The following KRT86 variants were observed in gnomAD, a reference collection of about 807,000 sequenced individuals.
KRT86 encodes the protein keratin 86.
In KRT86, 30 loss-of-function variants were observed where a neutral mutation model predicts 41.2. That is an observed-to-expected ratio of 0.73 (90% CI 0.54 to 0.99). KRT86 has a LOEUF of 0.99. KRT86 is among the 50% of genes least tolerant of loss of function. The pLI, the probability that KRT86 is intolerant of heterozygous loss-of-function variation, is 0.00. For synonymous variants in KRT86, 238 were observed against 238.1 expected (o/e 1.00, Z 0.00); for missense variants, 561 against 571.4 (o/e 0.98, Z 0.19).
intron 2 of KRT86, among the ~76,000 whole-genome samples, chr12:52,298,581 A>G (rs930262849): frequency 2.0e-5 from 3 of 152,198 alleles, no homozygotes; most frequent in Non-Finnish European, 4.4e-5. Flanking sequence ...TCAGTGATTT[A>G]CATGGATTAA....
rs141704368 is a variant in KRT86 at position 52,306,478 on chromosome 12, T to G, written c.1247+198T>G. On this transcript the variant is annotated intron_variant, in intron 9 of 10. Transcript: ENST00000423955. ...GTTCACCCAGGCACTGATCTGAGAT[T>G]GCAGTCTTGTTCATCTCAGTTGAGA... is the stretch of plus-strand genomic sequence containing the variant. 656 of 771,580 alleles carry G rather than the reference T, an allele frequency of 8.5e-4. 4 individuals are homozygous for G. Among genetic ancestry groups the G allele is most frequent in the Middle Eastern group, 5.0e-3 (13 of 2,620 alleles). The allele number at this position is 771,580 out of a possible 1,614,324, so 47.8% of individuals were successfully genotyped here. A position where few individuals can be genotyped will look rare whatever the true frequency, so the allele number is the denominator to read the frequency against.
intron 8 of KRT86, 72 bp downstream of exon 8, chr12:52,305,860 T>C (rs1938501968): frequency 6.2e-7 from 1 of 1,610,852 alleles, no homozygotes; most frequent in Admixed American, 1.7e-5. Flanking sequence ...ATGTGTGCCC[T>C]ATCTGGATCT....
intron 2 of KRT86, chr12:52,287,397 T>C: frequency 6.3e-7 from 1 of 1,590,140 alleles, no homozygotes; most frequent in South Asian, 1.1e-5. Flanking sequence ...GAGACCACAC[T>C]CCCCACCAAG....
chr12:52,282,236 A>ATTTTT (rs11376852), intron 2 of KRT86, among the ~76,000 whole-genome samples: 5 of 145,608 alleles, frequency 3.4e-5, no homozygotes, highest in Admixed American at 1.4e-4. Flanking sequence ...CCCTGAAACA[A>ATTTTT]TTTTTTTTTT....
intron 2 of KRT86, among the ~76,000 whole-genome samples, chr12:52,282,044 T>C (rs140600668): frequency 1.1e-4 from 16 of 152,192 alleles, no homozygotes; most frequent in African/African-American, 3.6e-4. Context: ...CTTGGCTTTC[T>C]TTTTCCTTGT....
chr12:52,281,539 G>A (rs549695989), intron 2 of KRT86, among the ~76,000 whole-genome samples: 203 of 152,238 alleles, frequency 1.3e-3, no homozygotes, highest in Non-Finnish European at 2.4e-3. Context: ...GTCTCTTGTG[G>A]AGTCTAAATG....
intron 2 of KRT86, among the ~76,000 whole-genome samples, chr12:52,283,392 C>CAAAAAAAAAAAAAAAAAAAAAAA (rs1169224117): frequency 2.5e-5 from 1 of 39,552 alleles, no homozygotes. Context: ...AACTGTCTCA[C>CAAAAAAAAAAAAAAAAAAAAAAA]AAAAAAAAAA....
intron 2 of KRT86, chr12:52,285,818 C>T: frequency 4.1e-6 from 1 of 242,518 alleles, no homozygotes; most frequent in South Asian, 5.7e-5. Flanking sequence ...TACTGGAGAC[C>T]CTTGGCTTGG....
chr12:52,295,775 G>A (rs999625174), intron 2 of KRT86, among the ~76,000 whole-genome samples: 6 of 152,262 alleles, frequency 3.9e-5, no homozygotes, highest in Middle Eastern at 3.4e-3. Flanking sequence ...TGAATGAAAA[G>A]AATACCAGCT....
At chr12:52,301,842 C>T in intron 2 of KRT86, 71 bp from the exon 3 acceptor site, 1 of 1,613,324 alleles carries the variant, frequency 6.2e-7, no homozygotes, top group Non-Finnish European at 8.5e-7. Flanking sequence ...TAGTGAACGC[C>T]TGACGCCCCG....
Position 52,282,272 on chromosome 12 carries a change from G to C in KRT86, c.-5+6326G>C, listed in dbSNP as rs557218152. Reference sequence around the variant, plus strand: ...TTTTGAGACAAAGCCTTGCTCTGTCGCCCAGGCTGGACTGCAGTGGCGCAA... The same window carrying C: ...TTTTGAGACAAAGCCTTGCTCTGTCCCCCAGGCTGGACTGCAGTGGCGCAA... On this transcript the variant is annotated intron_variant, in intron 2 of 10. Coordinates refer to ENST00000423955, the MANE Select transcript of KRT86 (RefSeq NM_001320198.2). Among the ~76,000 whole-genome samples, 4 of 148,450 alleles carry C rather than the reference G, an allele frequency of 2.7e-5. 1 individual carries two copies. Among genetic ancestry groups the C allele is most frequent in the African/African-American group, 9.9e-5 (4 of 40,538 alleles).
chr12:52,295,332 A>G (rs988126312), intron 2 of KRT86, among the ~76,000 whole-genome samples: 1 of 152,132 alleles, frequency 6.6e-6, no homozygotes, highest in Non-Finnish European at 1.5e-5. Flanking sequence ...AGATGAGGAC[A>G]CTGAGGTCTA....
At position 52,305,650 on chromosome 12, in the gene KRT86, C is replaced by T. The variant is rs1183548625; in HGVS notation, c.901-13C>T. The T allele has an allele frequency of 5.0e-6, 8 of 1,614,106 alleles. No individual in the cohort carries two copies. The East Asian group carries it at 1.6e-4, about 31-fold the overall frequency. On this transcript the variant is annotated splice_polypyrimidine_tract_variant and intron_variant, in intron 7 of 10. Coordinates refer to ENST00000423955, the MANE Select transcript of KRT86 (RefSeq NM_001320198.2). ...CCCACCCTGAACCTCATGAGCATCT[C>T]TACTTCCCCCAGTGTGAGGAGATGA...
chr12:52,301,920 A>G lies in KRT86; in HGVS notation c.4A>G (p.Thr2Ala), dbSNP rs762980858. The change falls in exon 3 of 11, where the codon ACT becomes GCT. Residue 2 changes from threonine (T) to alanine (A), a missense_variant. Physicochemically the swap from Thr to Ala is moderately conservative, Grantham distance 58 (BLOSUM62 0). Transcript: ENST00000423955. ...CCTCTCTTCCCCAAAAAGCACCATG[A>G]CTTGTGGATCTTACTGTGGTGGCCG... M[T>A]CGSYCGGRAF... 1 of 1,613,742 alleles carries G rather than the reference A, an allele frequency of 6.2e-7. No homozygotes were observed. Among genetic ancestry groups the G allele is most frequent in the Non-Finnish European group, 8.5e-7 (1 of 1,179,764 alleles).
intron 2 of KRT86, chr12:52,287,413 A>G (rs1419465011): frequency 6.3e-7 from 1 of 1,577,468 alleles, no homozygotes; most frequent in African/African-American, 1.4e-5. Context: ...CCAAGCTGGG[A>G]GCACCCCAGA....
At chr12:52,298,249 A>T (rs1938293031) in intron 2 of KRT86, among the ~76,000 whole-genome samples, 1 of 152,186 alleles carries the variant, frequency 6.6e-6, no homozygotes, top group Admixed American at 6.5e-5. Flanking sequence ...GTTCTTTTCG[A>T]GGACAAATGG....
At chr12:52,282,515 C>T (rs955138597) in intron 2 of KRT86, among the ~76,000 whole-genome samples, 3 of 152,192 alleles carry the variant, frequency 2.0e-5, no homozygotes, top group African/African-American at 7.2e-5. Flanking sequence ...GGATTACAGG[C>T]GTGAGCCACC....
At chr12:52,291,643 G>A (rs1938130015) in intron 2 of KRT86, 2 of 881,968 alleles carry the variant, frequency 2.3e-6, no homozygotes, top group Non-Finnish European at 3.4e-6. Flanking sequence ...GGTTAGCCGG[G>A]TCTAACGCCT....
chr12:52,286,647 T>G (rs1444579042), intron 2 of KRT86: 80 of 1,178,432 alleles, frequency 6.8e-5, no homozygotes, highest in Non-Finnish European at 9.3e-5. Context: ...GCTGGGGTCT[T>G]TTGGATGTCT....
Sources: gnomAD v4.1 joint callset for allele counts (sites outside exome capture counted in the v4.1 genomes callset) on GRCh38, gnomAD v4.1.1 for gene constraint, MANE v1.5 for transcripts, NCBI Gene and HGNC (gene_info 2026-07-23, HGNC 2026-07-21) for gene names.